The following PLCXD3 variants were observed in gnomAD, a reference collection of about 807,000 sequenced individuals.
PLCXD3 encodes phosphatidylinositol specific phospholipase C X domain containing 3, also known as PI-PLC X domain-containing protein 3.
PLCXD3 carries 19 observed loss-of-function variants against 25.5 expected under a neutral mutation model. The observed-to-expected ratio is 0.75, with a 90% CI of 0.52 to 1.09. PLCXD3 has a LOEUF of 1.09. Among genes scored for constraint, PLCXD3 ranks in the 50% least tolerant of loss-of-function variants. PLCXD3 has a pLI of 0.00. For missense variants in PLCXD3, 411 were observed against 388.1 expected, an observed-to-expected ratio of 1.06 and a Z score of -0.50; for synonymous variants, 174 against 137.6, an observed-to-expected ratio of 1.26 and a Z score of -1.85.
At chr5:41,331,196 C>T (rs912656236) in intron 2 of PLCXD3, among the ~76,000 whole-genome samples, 2 of 152,114 alleles carry the variant, frequency 1.3e-5, no homozygotes, top group South Asian at 2.1e-4. Context: ...TCTAGAAAAC[C>T]CCATTGTCTC....
intron 1 of PLCXD3, among the ~76,000 whole-genome samples, chr5:41,492,386 CT>C (rs746988220): frequency 5.9e-5 from 9 of 152,058 alleles, no homozygotes; most frequent in Non-Finnish European, 1.3e-4. Context: ...TTCATTTCAA[CT>C]TTGGTGAATC....
chr5:41,352,389 CA>C (rs913298278), intron 2 of PLCXD3, among the ~76,000 whole-genome samples: 1 of 152,150 alleles, frequency 6.6e-6, no homozygotes, highest in African/African-American at 2.4e-5. Context: ...ATTCTCAGAT[CA>C]AAAATCACTT....
intron 2 of PLCXD3, among the ~76,000 whole-genome samples, chr5:41,337,134 A>G (rs1287470129): frequency 6.6e-6 from 1 of 152,140 alleles, no homozygotes; most frequent in Non-Finnish European, 1.5e-5. Flanking sequence ...GTGGTCAACC[A>G]AAAGAAATTG....
intron 2 of PLCXD3, among the ~76,000 whole-genome samples, chr5:41,379,794 C>T (rs1745400744): frequency 2.0e-5 from 3 of 151,964 alleles, no homozygotes; most frequent in Admixed American, 2.0e-4. Flanking sequence ...CAGAATGGGA[C>T]ATGGACAGAC....
At chr5:41,478,588 C>T (rs1276818364) in intron 1 of PLCXD3, among the ~76,000 whole-genome samples, 1 of 152,160 alleles carries the variant, frequency 6.6e-6, no homozygotes, top group Non-Finnish European at 1.5e-5. Context: ...AAACGTTTCT[C>T]AAAGCCTCAC....
intron 1 of PLCXD3, among the ~76,000 whole-genome samples, chr5:41,437,215 A>G (rs912266498): frequency 1.3e-5 from 2 of 152,374 alleles, no homozygotes; most frequent in African/African-American, 4.8e-5. Context: ...GTGACAAGAC[A>G]TCATACATGA....
chr5:41,448,501 C>G (rs1434887918), intron 1 of PLCXD3, among the ~76,000 whole-genome samples: 2 of 152,126 alleles, frequency 1.3e-5, no homozygotes, highest in Non-Finnish European at 2.9e-5. Context: ...TACAAAATAC[C>G]TCTTGTATTG....
intron 2 of PLCXD3, among the ~76,000 whole-genome samples, chr5:41,373,156 C>T (rs1420533427): frequency 6.6e-6 from 1 of 152,100 alleles, no homozygotes; most frequent in African/African-American, 2.4e-5. Context: ...CTTTCTTTCC[C>T]AAGAGTTAAA....
At chr5:41,388,168 A>C (rs1372462530) in intron 1 of PLCXD3, among the ~76,000 whole-genome samples, 1 of 151,946 alleles carries the variant, frequency 6.6e-6, no homozygotes, top group Non-Finnish European at 1.5e-5. Flanking sequence ...AGAGTCTTAT[A>C]ATTTAATTAG....
At chr5:41,378,822 G>T (rs1412596260) in intron 2 of PLCXD3, among the ~76,000 whole-genome samples, 2 of 152,058 alleles carry the variant, frequency 1.3e-5, no homozygotes, top group East Asian at 1.9e-4. Context: ...TACTTTAGTA[G>T]TAGGGTACTA....
chr5:41,355,049 C>T lies in PLCXD3; in HGVS notation c.812+26777G>A, dbSNP rs534789355. On this transcript the variant is annotated intron_variant, in intron 2 of 2. Coordinates refer to ENST00000377801, the MANE Select transcript of PLCXD3 (RefSeq NM_001005473.3). ...TTTTCTATGACTAAAGAAAAATCTT[C>T]CATCTGAATATAGACACACATCAAG... 3.3e-5 allele frequency among the ~76,000 whole-genome samples: 5 copies of T among 152,280 alleles called. No individual in the cohort carries two copies. The South Asian group carries it at 1.0e-3, about 32-fold the overall frequency.
intron 2 of PLCXD3, among the ~76,000 whole-genome samples, chr5:41,322,613 T>A (rs1220412901): frequency 2.0e-5 from 3 of 152,250 alleles, no homozygotes; most frequent in Non-Finnish European, 4.4e-5. Context: ...CACTCCTATG[T>A]TTGTTGCAGC....
At chr5:41,345,720 A>G (rs1416275403) in intron 2 of PLCXD3, among the ~76,000 whole-genome samples, 2 of 145,584 alleles carry the variant, frequency 1.4e-5, no homozygotes, top group South Asian at 2.3e-4. Flanking sequence ...ACACACACAC[A>G]TTCAGGTCAC....
chr5:41,418,308 A>C (rs897784794), intron 1 of PLCXD3, among the ~76,000 whole-genome samples: 1 of 152,206 alleles, frequency 6.6e-6, no homozygotes, highest in Non-Finnish European at 1.5e-5. Context: ...ATGAGGCTTC[A>C]AAGACTTTTT....
intron 2 of PLCXD3, among the ~76,000 whole-genome samples, chr5:41,375,032 C>T (rs1177773524): frequency 6.6e-6 from 1 of 152,072 alleles, no homozygotes; most frequent in African/African-American, 2.4e-5. Context: ...AGACCCATCC[C>T]TTCCGGGTAC....
intron 1 of PLCXD3, among the ~76,000 whole-genome samples, chr5:41,495,340 T>C (rs1580402756): frequency 6.6e-6 from 1 of 152,216 alleles, no homozygotes; most frequent in Non-Finnish European, 1.5e-5. Context: ...AACAAAATTT[T>C]TGGGCAACTT....
chr5:41,460,788 G>C (rs935737440), intron 1 of PLCXD3, among the ~76,000 whole-genome samples: 2 of 151,956 alleles, frequency 1.3e-5, no homozygotes, highest in African/African-American at 4.8e-5. Context: ...CATTCTGTAA[G>C]TATTTTAAAA....
chr5:41,393,430 A>G (rs1044560216), intron 1 of PLCXD3, among the ~76,000 whole-genome samples: 10 of 152,342 alleles, frequency 6.6e-5, no homozygotes, highest in African/African-American at 2.2e-4. Flanking sequence ...AGTGCTGAAG[A>G]GAAAAGCTTT....
intron 2 of PLCXD3, among the ~76,000 whole-genome samples, chr5:41,334,713 T>TTAA (rs552854810): frequency 2.0e-4 from 30 of 152,214 alleles, no homozygotes; most frequent in Non-Finnish European, 3.2e-4. Context: ...AGGAAAACCA[T>TTAA]TAAAAATCCA....
Sources: gnomAD v4.1 joint callset for allele counts (sites outside exome capture counted in the v4.1 genomes callset) on GRCh38, gnomAD v4.1.1 for gene constraint, MANE v1.5 for transcripts, NCBI Gene and HGNC (gene_info 2026-07-23, HGNC 2026-07-21) for gene names.